Variants in PPFIBP1 observed in about 807,000 individuals in gnomAD.
PPFIBP1 encodes the protein liprin-beta-1.
A neutral mutation model predicts 137.8 loss-of-function variants in PPFIBP1; 112 were observed. The observed-to-expected ratio is 0.81, with a 90% confidence interval of 0.70 to 0.95. PPFIBP1 has a LOEUF of 0.95. Among genes scored for constraint, PPFIBP1 ranks in the 40% least tolerant of loss-of-function variants. PPFIBP1 has a pLI of 0.00. For missense variants in PPFIBP1, 1,083 were observed against 1,196.6 expected, an observed-to-expected ratio of 0.91 and a Z score of 1.40; for synonymous variants, 378 against 417.3, an observed-to-expected ratio of 0.91 and a Z score of 1.15.
intron 1 of PPFIBP1, among the ~76,000 whole-genome samples, chr12:27,537,971 G>A (rs564472193): frequency 2.6e-5 from 4 of 152,294 alleles, no homozygotes; most frequent in African/African-American, 4.8e-5. Flanking sequence ...GAAATTGGGT[G>A]TATGCTTTGT....
intron 2 of PPFIBP1, among the ~76,000 whole-genome samples, chr12:27,584,776 C>T (rs73294004): frequency 6.6e-6 from 1 of 152,324 alleles, no homozygotes; most frequent in African/African-American, 2.4e-5. Context: ...ATTAGCCCTG[C>T]TGCCAGGCTT....
At chr12:27,657,718 G>A (rs1336193159) in intron 9 of PPFIBP1, among the ~76,000 whole-genome samples, 3 of 151,898 alleles carry the variant, frequency 2.0e-5, no homozygotes, top group Non-Finnish European at 4.4e-5. Flanking sequence ...CCGCTTCACC[G>A]CCCCACCCCA....
chr12:27,595,442 T>G (rs1018171657), intron 2 of PPFIBP1, among the ~76,000 whole-genome samples: 1 of 152,114 alleles, frequency 6.6e-6, no homozygotes, highest in Non-Finnish European at 1.5e-5. Flanking sequence ...AAGTCTGTGT[T>G]CTGAGACTGT....
chr12:27,538,527 C>T (rs546109885), intron 1 of PPFIBP1, among the ~76,000 whole-genome samples: 293 of 152,334 alleles, frequency 1.9e-3, no homozygotes, highest in African/African-American at 6.7e-3. Flanking sequence ...TTTTCCAACA[C>T]TGACTCTCAA....
chr12:27,653,252 A>G (rs569246853), intron 7 of PPFIBP1, among the ~76,000 whole-genome samples: 2 of 152,274 alleles, frequency 1.3e-5, no homozygotes, highest in South Asian at 4.1e-4. Context: ...CCTGTAGTCT[A>G]TGAATTTGTG....
rs552643474 is a variant in PPFIBP1, at chr12:27,565,990, A to G, written c.-123-12162A>G. On this transcript the variant is annotated intron_variant, in intron 1 of 29. Coordinates refer to ENST00000228425, the MANE Select transcript of PPFIBP1 (RefSeq NM_003622.4). ...GTTTTTCCTAGTATTTCATCTGCCC[A>G]TCTCATGTGACAGCCTTATGTTAGA... 6.0e-5 allele frequency among the ~76,000 whole-genome samples: 8 copies of G among 134,452 alleles called. No individual in the cohort carries two copies. In the East Asian group the frequency reaches 1.9e-3, roughly 32 times the overall value. The allele number at this position is 134,452 out of a possible 152,430, so 88.2% of individuals were successfully genotyped here.
intron 1 of PPFIBP1, among the ~76,000 whole-genome samples, chr12:27,527,434 G>C (rs941937801): frequency 2.0e-5 from 3 of 152,056 alleles, no homozygotes; most frequent in Non-Finnish European, 2.9e-5. Flanking sequence ...GTAGAGGCGG[G>C]TTCTCACCAT....
chr12:27,685,888 TA>T (rs1184902398), intron 24 of PPFIBP1, among the ~76,000 whole-genome samples: 16 of 152,158 alleles, frequency 1.1e-4, no homozygotes, highest in South Asian at 2.1e-4. Flanking sequence ...TAAAAAGTTT[TA>T]AAAAAATTGG....
At chr12:27,528,068 G>T (rs553325017) in intron 1 of PPFIBP1, among the ~76,000 whole-genome samples, 1 of 152,020 alleles carries the variant, frequency 6.6e-6, no homozygotes. Flanking sequence ...CATGCCTCAG[G>T]GTCCCAGTTA....
chr12:27,619,592 G>A (rs1000877881), intron 2 of PPFIBP1, among the ~76,000 whole-genome samples: 3 of 152,214 alleles, frequency 2.0e-5, no homozygotes, highest in African/African-American at 4.8e-5. Context: ...TTGAGAGTGG[G>A]CAGTTAGTTG....
At chr12:27,557,781 C>A (rs1314751234) in intron 1 of PPFIBP1, among the ~76,000 whole-genome samples, 1 of 152,158 alleles carries the variant, frequency 6.6e-6, no homozygotes, top group Non-Finnish European at 1.5e-5. Flanking sequence ...CTAAATGCCT[C>A]CCTATAGGGG....
chr12:27,568,220 G>C (rs2049849529), intron 1 of PPFIBP1, among the ~76,000 whole-genome samples: 1 of 152,176 alleles, frequency 6.6e-6, no homozygotes, highest in Non-Finnish European at 1.5e-5. Context: ...CATTAATGCT[G>C]GTCAGGCAGT....
chr12:27,687,461 T>C lies in PPFIBP1; in HGVS notation c.2324T>C (p.Ile775Thr). The C allele has an allele frequency of 6.2e-7, 1 of 1,614,030 alleles. No homozygotes were observed. Among genetic ancestry groups the C allele is most frequent in the East Asian group, 2.2e-5 (1 of 44,874 alleles). The change falls in exon 25 of 30, where the codon ATC (isoleucine) becomes ACC (threonine). Residue 775 changes from isoleucine to threonine, a missense_variant. Transcript: ENST00000228425. ...AAAAGGGCCATCCAGGTCCTGAGGA[T>C]CAATAACTTTGAACCAAACTGTCTA... is the stretch of plus-strand genomic sequence containing the variant. ...SIKRAIQVLR[I>T]NNFEPNCLRR...
At chr12:27,550,992 T>TATATATA (rs1491167502) in intron 1 of PPFIBP1, among the ~76,000 whole-genome samples, 1,823 of 88,876 alleles carry the variant, frequency 0.021, 43 homozygotes, top group African/African-American at 0.063. Context: ...TATATATATA[T>TATATATA]TTTTTTTTTT....
At chr12:27,569,836 G>A (rs995025261) in intron 1 of PPFIBP1, among the ~76,000 whole-genome samples, 24 of 152,214 alleles carry the variant, frequency 1.6e-4, no homozygotes, top group Admixed American at 4.6e-4. Flanking sequence ...TGGGATTACC[G>A]GTGTGAGCCA....
chr12:27,597,772 G>A (rs1438505523), intron 2 of PPFIBP1, among the ~76,000 whole-genome samples: 1 of 152,122 alleles, frequency 6.6e-6, no homozygotes, highest in Non-Finnish European at 1.5e-5. Flanking sequence ...CAGCCTCAGA[G>A]AAAACTTTAA....
chr12:27,638,242 A>G (rs1389482857), intron 4 of PPFIBP1, among the ~76,000 whole-genome samples: 2 of 152,240 alleles, frequency 1.3e-5, no homozygotes, highest in African/African-American at 4.8e-5. Context: ...ACAATAAAAA[A>G]TTAAAATTGA....
intron 1 of PPFIBP1, among the ~76,000 whole-genome samples, chr12:27,568,561 G>T (rs1281953494): frequency 6.6e-6 from 1 of 152,246 alleles, no homozygotes; most frequent in African/African-American, 2.4e-5. Context: ...ATGATGCCAG[G>T]ATGTTCTCAA....
At chr12:27,638,116 A>G (rs1178264337) in intron 4 of PPFIBP1, among the ~76,000 whole-genome samples, 1 of 152,154 alleles carries the variant, frequency 6.6e-6, no homozygotes, top group Non-Finnish European at 1.5e-5. Context: ...CTAGATGAAA[A>G]GAGTTAATTA....
Sources: allele counts gnomAD v4.1 joint callset (sites outside exome capture counted in the v4.1 genomes callset), GRCh38; gene constraint gnomAD v4.1.1; transcripts MANE v1.5; gene names NCBI Gene and HGNC (gene_info 2026-07-23, HGNC 2026-07-21).